Variants in IGDCC4 observed in about 807,000 individuals in gnomAD.
IGDCC4 encodes the protein immunoglobulin superfamily DCC subclass member 4.
Under a neutral mutation model 116.6 loss-of-function variants are expected in IGDCC4, and 72 were observed. The ratio of observed to expected loss-of-function variants is 0.62; its 90% CI spans 0.51 to 0.75. The LOEUF (loss-of-function observed/expected upper bound fraction) is 0.75, where lower values mean the gene tolerates loss of function less well. IGDCC4 is among the 30% of genes least tolerant of loss of function. The pLI, the probability that IGDCC4 is intolerant of heterozygous loss-of-function variation, is 0.00. For synonymous variants in IGDCC4, 709 were observed against 719.9 expected (o/e 0.98, Z 0.24); for missense variants, 1,501 against 1,662.4 (o/e 0.90, Z 1.69).
intron 18 of IGDCC4, 107 bp from the exon 19 acceptor site, chr15:65,385,222 A>ACTGT (rs1207034319): frequency 8.6e-7 from 1 of 1,158,154 alleles, no homozygotes; most frequent in East Asian, 2.7e-5. Context: ...CAGGGTCCAG[A>ACTGT]CTGTCACCCG....
At chr15:65,403,403 G>A (rs572550184) in intron 3 of IGDCC4, among the ~76,000 whole-genome samples, 1 of 152,222 alleles carries the variant, frequency 6.6e-6, no homozygotes, top group Admixed American at 6.5e-5. Context: ...GAGGGTGGGA[G>A]GGACTGACTT....
In IGDCC4 at chr15:65,384,180, TG is replaced by T; in HGVS notation, c.3581del (p.Pro1194GlnfsTer26). 1 of 1,613,104 alleles carries T rather than the reference TG, an allele frequency of 6.2e-7. No individual in the cohort carries two copies. Among genetic ancestry groups the T allele is most frequent in the Non-Finnish European group, 8.5e-7 (1 of 1,179,420 alleles). Reference protein sequence around the residue: ...LGGCELAAPGPDRLTCLPEAA... With the variant: ...LGGCELAAPGXDRLTCLPEAA... ...CCTCTGGCAAGCAGGTAAGTCTGTC[TG>T]GCCCGGGGGCTGCCAGCTCACACCC... is the stretch of plus-strand genomic sequence containing the variant. On this transcript the variant is annotated frameshift_variant, in exon 20 of 20. Transcript: ENST00000352385. LOFTEE classifies it high-confidence loss of function. This position sits in a 1 kb window ranked among gnomAD's most constrained non-coding sequence, Gnocchi z 4.9.
rs1473787612 is a variant in IGDCC4 at position 65,386,071 on chromosome 15, G to A, written c.2952-12C>T. The stretch of plus-strand genomic sequence containing the variant: ...CTGGGAGGGATTCCCTGGAAGGGAA[G>A]ACGGAAAACAAGGCATAGCGGTCAG... On this transcript the variant is annotated splice_polypyrimidine_tract_variant and intron_variant, in intron 17 of 19. Transcript: ENST00000352385. 2 of 1,467,134 alleles carry A rather than the reference G, an allele frequency of 1.4e-6. No individual in the cohort carries two copies. Among genetic ancestry groups the A allele is most frequent in the Non-Finnish European group, 1.8e-6 (2 of 1,101,278 alleles). The allele number at this position is 1,467,134 out of a possible 1,614,324, so 90.9% of individuals were successfully genotyped here. A position where few individuals can be genotyped will look rare whatever the true frequency, so the allele number is the denominator to read the frequency against.
At chr15:65,419,663 G>T (rs1166673768) in intron 1 of IGDCC4, among the ~76,000 whole-genome samples, 2 of 152,182 alleles carry the variant, frequency 1.3e-5, no homozygotes, top group Non-Finnish European at 2.9e-5. Context: ...AGGGATGGGG[G>T]AGGTGAGGAG....
Position 65,383,805 on chromosome 15 carries a change from T to C in IGDCC4, c.*204A>G. Reference sequence around the variant, plus strand: ...CACATGTAGCTATGTCTCGTATGTCTTTCACATGTCACATGTGTATCACAA... The same window carrying C: ...CACATGTAGCTATGTCTCGTATGTCCTTCACATGTCACATGTGTATCACAA... On this transcript the variant is annotated 3_prime_UTR_variant, in exon 20 of 20. Transcript: ENST00000352385. The C allele has an allele frequency of 6.0e-6, 3 of 498,788 alleles. No individual in the cohort carries two copies. Among genetic ancestry groups the C allele is most frequent in the Non-Finnish European group, 1.1e-5 (3 of 283,258 alleles). 30.9% of individuals were successfully genotyped at this position (498,788 alleles called of 1,614,324 possible).
rs1595773525 is a variant in IGDCC4 at position 65,384,817 on chromosome 15, GC to G, written c.3342+136del. Reference sequence around the variant, plus strand: ...CCCTCCACCTACTCAACCTTTGGAGGCTCCAGGGGTCTCCTGGCTAGACTTC... The same window carrying G: ...CCCTCCACCTACTCAACCTTTGGAGGTCCAGGGGTCTCCTGGCTAGACTTC... On this transcript the variant is annotated intron_variant, in intron 19 of 19. Coordinates refer to ENST00000352385, the MANE Select transcript of IGDCC4 (RefSeq NM_020962.3). The surrounding 1 kb of genome is among the most constrained non-coding windows in gnomAD (Gnocchi z 4.9). The G allele has an allele frequency of 9.4e-6, 11 of 1,164,338 alleles. No homozygotes were observed. In the East Asian group the frequency reaches 3.0e-4, roughly 32 times the overall value. 72.1% of individuals were successfully genotyped at this position (1,164,338 alleles called of 1,614,324 possible). A position where few individuals can be genotyped will look rare whatever the true frequency, so the allele number is the denominator to read the frequency against.
Position 65,383,031 on chromosome 15 carries a change from C to A in IGDCC4, c.*978G>T, listed in dbSNP as rs943118989. The A allele has an allele frequency of 6.5e-6, 1 of 152,678 alleles. No homozygotes were observed. Among genetic ancestry groups the A allele is most frequent in the Non-Finnish European group, 1.5e-5 (1 of 68,112 alleles). 9.5% of individuals were successfully genotyped at this position (152,678 alleles called of 1,614,324 possible). On this transcript the variant is annotated 3_prime_UTR_variant, in exon 20 of 20. Coordinates refer to ENST00000352385, the MANE Select transcript of IGDCC4 (RefSeq NM_020962.3). The stretch of plus-strand genomic sequence containing the variant: ...CCAGAAGATCTTCTCCACACCCGCA[C>A]TGGGCGTGGGTGGGCTGCCTGGGGC...
At chr15:65,408,810 A>G (rs1398135445) in intron 3 of IGDCC4, among the ~76,000 whole-genome samples, 1 of 148,122 alleles carries the variant, frequency 6.8e-6, no homozygotes, top group African/African-American at 2.5e-5. Context: ...GGGCTAACCC[A>G]TCACCAAAGT....
At chr15:65,417,692 T>C (rs1479213266) in intron 1 of IGDCC4, among the ~76,000 whole-genome samples, 2 of 152,080 alleles carry the variant, frequency 1.3e-5, no homozygotes, top group African/African-American at 4.8e-5. Context: ...GCCACCCAGG[T>C]TCAAGTGATT....
rs760696257 is a variant in IGDCC4 at position 65,384,750 on chromosome 15, G to A, written c.3342+204C>T. The A allele has an allele frequency of 9.1e-6, 6 of 660,294 alleles. No individual in the cohort carries two copies. Among genetic ancestry groups the A allele is most frequent in the Non-Finnish European group, 1.5e-5 (6 of 407,610 alleles). 40.9% of individuals were successfully genotyped at this position (660,294 alleles called of 1,614,324 possible). ...CTTAGGTCTGGGTAGAGGAGGGGCT[G>A]TTTTCAACCCAGGTTGAAACAGGTT... On this transcript the variant is annotated intron_variant, in intron 19 of 19. Transcript: ENST00000352385. The surrounding 1 kb of genome is among the most constrained non-coding windows in gnomAD (Gnocchi z 4.9).
At chr15:65,388,341 C>T in intron 16 of IGDCC4, 108 bp downstream of exon 16, 2 of 1,474,490 alleles carry the variant, frequency 1.4e-6, no homozygotes, top group South Asian at 2.4e-5. Flanking sequence ...TGCTCTGCCC[C>T]CACCAAACCT....
chr15:65,421,885 C>G (rs1418538876), intron 1 of IGDCC4, among the ~76,000 whole-genome samples: 1 of 151,998 alleles, frequency 6.6e-6, no homozygotes, highest in Admixed American at 6.5e-5. Context: ...AGACACACAC[C>G]CTTGGGGACT....
intron 1 of IGDCC4, among the ~76,000 whole-genome samples, chr15:65,415,003 C>A (rs1435669593): frequency 6.6e-6 from 1 of 152,158 alleles, no homozygotes; most frequent in Non-Finnish European, 1.5e-5. Context: ...GGAGCTTATT[C>A]TTTAAAGGCA....
intron 1 of IGDCC4, among the ~76,000 whole-genome samples, chr15:65,412,843 G>A (rs190500663): frequency 2.6e-5 from 4 of 152,184 alleles, no homozygotes; most frequent in Admixed American, 6.5e-5. Flanking sequence ...GCTGAAGTGA[G>A]CTGTGATTGC....
At chr15:65,392,674 C>T (rs1241476305) in intron 10 of IGDCC4, among the ~76,000 whole-genome samples, 1 of 152,122 alleles carries the variant, frequency 6.6e-6, no homozygotes, top group Non-Finnish European at 1.5e-5. Flanking sequence ...AGGCTGATAG[C>T]ACCTGGCACA....
chr15:65,398,752 G>A (rs1232030239), intron 5 of IGDCC4, among the ~76,000 whole-genome samples: 9 of 151,938 alleles, frequency 5.9e-5, no homozygotes, highest in South Asian at 2.1e-4. Flanking sequence ...TTAGCCAGGC[G>A]TGGTGGCGGG....
chr15:65,413,981 C>T (rs1004654389), intron 1 of IGDCC4, among the ~76,000 whole-genome samples: 1 of 152,220 alleles, frequency 6.6e-6, no homozygotes, highest in Non-Finnish European at 1.5e-5. Context: ...CACACCTATT[C>T]CTGAACAAAC....
intron 3 of IGDCC4, among the ~76,000 whole-genome samples, 197 bp downstream of exon 3, chr15:65,409,981 C>A (rs1313971999): frequency 6.6e-6 from 1 of 152,192 alleles, no homozygotes; most frequent in Non-Finnish European, 1.5e-5. Flanking sequence ...CAATGGGTGG[C>A]TTCCTCCCAG....
intron 5 of IGDCC4, among the ~76,000 whole-genome samples, chr15:65,397,630 G>C (rs62015033): frequency 1.4e-5 from 2 of 143,596 alleles, no homozygotes; most frequent in Non-Finnish European, 3.0e-5. Context: ...AGGAGTTCAA[G>C]ACCAGCCTGG....
Sources: gnomAD v4.1 joint callset for allele counts (sites outside exome capture counted in the v4.1 genomes callset) on GRCh38, gnomAD v4.1.1 for gene constraint, Gnocchi (gnomAD v3.1) non-coding constraint, MANE v1.5 for transcripts, NCBI Gene and HGNC (gene_info 2026-07-23, HGNC 2026-07-21) for gene names.